Variants in QSOX2 observed in about 807,000 individuals in gnomAD.
QSOX2 encodes quiescin sulfhydryl oxidase 2, also known as sulfhydryl oxidase 2.
Under a neutral mutation model 61.7 loss-of-function variants are expected in QSOX2, and 46 were observed. The ratio of observed to expected loss-of-function variants is 0.75; its 90% CI spans 0.59 to 0.95. QSOX2 has a LOEUF of 0.95. Ranked by LOEUF, QSOX2 falls within the 40% of genes least tolerant of loss-of-function variation. QSOX2 has a pLI of 0.00. For synonymous variants in QSOX2, 383 were observed against 388.4 expected (o/e 0.99, Z 0.16); for missense variants, 879 against 918.9 (o/e 0.96, Z 0.56).
chr9:136,230,170 T>C (rs575469041), intron 1 of QSOX2, among the ~76,000 whole-genome samples: 1 of 152,272 alleles, frequency 6.6e-6, no homozygotes, highest in Non-Finnish European at 1.5e-5. Flanking sequence ...TCCCAGCTAC[T>C]TGGGAAGCTG....
chr9:136,212,429 C>T (rs958361271), intron 10 of QSOX2, among the ~76,000 whole-genome samples: 1 of 152,260 alleles, frequency 6.6e-6, no homozygotes, highest in African/African-American at 2.4e-5. Flanking sequence ...TGACGCTTGT[C>T]GTGGCTCCCT....
chr9:136,236,200 C>T (rs1348017633), intron 1 of QSOX2, among the ~76,000 whole-genome samples: 1 of 152,226 alleles, frequency 6.6e-6, no homozygotes, highest in Non-Finnish European at 1.5e-5. Flanking sequence ...CTCCCTGCTC[C>T]GCACAGAGAG....
chr9:136,211,471 T>C lies in QSOX2; in HGVS notation c.1361-19A>G, dbSNP rs1234968936. 6.2e-7 allele frequency: 1 copy of C among 1,610,100 alleles called. No homozygotes were observed. Among genetic ancestry groups the C allele is most frequent in the Non-Finnish European group, 8.5e-7 (1 of 1,176,706 alleles). On this transcript the variant is annotated intron_variant, in intron 10 of 11. Transcript: ENST00000358701. Reference sequence around the variant, plus strand: ...TCAAAGCCTGCAGGGGAAGAAACACTGCTGACAACGGCAGGTGCGTGGGCA... The same window carrying C: ...TCAAAGCCTGCAGGGGAAGAAACACCGCTGACAACGGCAGGTGCGTGGGCA...
At chr9:136,227,102 G>A (rs765088557) in intron 1 of QSOX2, among the ~76,000 whole-genome samples, 5 of 152,180 alleles carry the variant, frequency 3.3e-5, no homozygotes, top group South Asian at 2.1e-4. Context: ...CAGAACAAGC[G>A]GATTTGTGCT....
In QSOX2 at chr9:136,206,987, C is replaced by G. The variant is rs1831772773; in HGVS notation, c.*1741G>C. The stretch of plus-strand genomic sequence containing the variant: ...AAACACTTTGGTGTCTTCAATAACC[C>G]AGGCCTGCACTGGATGAAGCAATGA... On this transcript the variant is annotated 3_prime_UTR_variant, in exon 12 of 12. Coordinates refer to ENST00000358701, the MANE Select transcript of QSOX2 (RefSeq NM_181701.4). 1 of 152,358 alleles carries G rather than the reference C, an allele frequency of 6.6e-6. No homozygotes were observed. The highest frequency in any genetic ancestry group is 2.1e-4 in the South Asian group (1 of 4,834). 9.4% of individuals were successfully genotyped at this position (152,358 alleles called of 1,614,324 possible). A position where few individuals can be genotyped will look rare whatever the true frequency, so the allele number is the denominator to read the frequency against.
intron 8 of QSOX2, among the ~76,000 whole-genome samples, chr9:136,217,640 AG>A (rs1168508049): frequency 5.3e-5 from 8 of 152,262 alleles, no homozygotes; most frequent in Admixed American, 2.0e-4. Flanking sequence ...CAAGTGTAAA[AG>A]CTCCAAGCCT....
chr9:136,245,379 AGGG>A lies in QSOX2; in HGVS notation c.328+94_328+96del. On this transcript the variant is annotated intron_variant, in intron 1 of 11. Coordinates refer to ENST00000358701, the MANE Select transcript of QSOX2 (RefSeq NM_181701.4). ...TGCGGTAAGGAAAGAAATACGGGGG[AGGG>A]GCCCCGGGACCCGCCTTCTGGGGCG... The A allele has an allele frequency of 8.1e-6, 8 of 991,902 alleles. No homozygotes were observed. In the South Asian group the frequency reaches 1.3e-4, roughly 16 times the overall value. The allele number at this position is 991,902 out of a possible 1,614,324, so 61.4% of individuals were successfully genotyped here.
intron 1 of QSOX2, among the ~76,000 whole-genome samples, chr9:136,233,042 GGACAT>G (rs1264857679): frequency 2.0e-5 from 3 of 152,040 alleles, no homozygotes; most frequent in Admixed American, 2.0e-4. Flanking sequence ...ATGCCACAAA[GGACAT>G]GAATTAGGAA....
In QSOX2 at chr9:136,220,652, G is replaced by A. The variant is rs1407294093; in HGVS notation, c.821+1144C>T. ...CACGCTGTCCTTCTCCCCAAGGTGA[G>A]GAGGAGCGGGGCCCCTCCAGCCTCA... On this transcript the variant is annotated intron_variant, in intron 6 of 11. Coordinates refer to ENST00000358701, the MANE Select transcript of QSOX2 (RefSeq NM_181701.4). 3.3e-5 allele frequency among the ~76,000 whole-genome samples: 5 copies of A among 152,098 alleles called. 1 individual carries two copies. The highest frequency in any genetic ancestry group is 7.4e-5 in the Non-Finnish European group (5 of 68,008).
chr9:136,210,045 G>A lies in QSOX2; in HGVS notation c.1550-770C>T, dbSNP rs533305243. ...CACGTTTGTCTGGGGGACTTGAGAC[G>A]TGCCTGAAATCAAGAGATGCCCTAC... On this transcript the variant is annotated intron_variant, in intron 11 of 11. Transcript: ENST00000358701. The A allele has an allele frequency of 1.1e-5, 11 of 985,460 alleles. No homozygotes were observed. The South Asian group carries it at 3.3e-4, about 29-fold the overall frequency. The allele number at this position is 985,460 out of a possible 1,614,324, so 61.0% of individuals were successfully genotyped here.
At chr9:136,215,385 G>C in intron 9 of QSOX2, 81 bp from the exon 10 acceptor site, 1 of 981,840 alleles carries the variant, frequency 1.0e-6, no homozygotes, top group Non-Finnish European at 1.4e-6. Flanking sequence ...CTGCCTTCTT[G>C]ACTGGGGGGG....
intron 10 of QSOX2, 55 bp downstream of exon 10, chr9:136,215,099 G>T: frequency 1.3e-6 from 2 of 1,586,680 alleles, no homozygotes; most frequent in Non-Finnish European, 1.7e-6. Context: ...ACACCGGCTG[G>T]GTTAACTTGT....
At chr9:136,210,439 G>A in intron 11 of QSOX2, 2 of 985,424 alleles carry the variant, frequency 2.0e-6, no homozygotes, top group South Asian at 9.4e-5. Context: ...CCTGGCGAGG[G>A]TCCTGGTCCC....
At chr9:136,232,917 C>CAAAAAAAAAAAAAAAAAAA (rs60814748) in intron 1 of QSOX2, among the ~76,000 whole-genome samples, 6 of 45,476 alleles carry the variant, frequency 1.3e-4, no homozygotes, top group Non-Finnish European at 1.8e-4. Flanking sequence ...GAACCTGTCT[C>CAAAAAAAAAAAAAAAAAAA]AAAAAAAAAA....
rs1830228009 is a variant in QSOX2, at chr9:136,222,374, T to C, written c.676-433A>G. On this transcript the variant is annotated intron_variant, in intron 5 of 11. Coordinates refer to ENST00000358701, the MANE Select transcript of QSOX2 (RefSeq NM_181701.4). This position sits in a 1 kb window ranked among gnomAD's most constrained non-coding sequence, Gnocchi z 6.9. The stretch of plus-strand genomic sequence containing the variant: ...CCTCCCCAGCCACCCTGCTCCTGTC[T>C]GGTTCTGCTCAGGCTGAAGGGGCAG... 6.6e-6 allele frequency among the ~76,000 whole-genome samples: 1 copy of C among 152,144 alleles called. No individual in the cohort carries two copies. The highest frequency in any genetic ancestry group is 2.4e-5 in the African/African-American group (1 of 41,428).
In QSOX2 at chr9:136,233,394, G is replaced by A. The variant is rs533010531; in HGVS notation, c.329-6520C>T. On this transcript the variant is annotated intron_variant, in intron 1 of 11. Transcript: ENST00000358701. ...TCTACCTGCTCCCCAAACACAATGA[G>A]CCTTACTCTAGATCTGGGGTCCTAA... is the stretch of plus-strand genomic sequence containing the variant. Among the ~76,000 whole-genome samples the A allele has an allele frequency of 3.3e-5, 5 of 152,296 alleles. No homozygotes were observed. The East Asian group carries it at 7.7e-4, about 24-fold the overall frequency.
intron 1 of QSOX2, among the ~76,000 whole-genome samples, chr9:136,235,190 T>A (rs935639906): frequency 2.0e-5 from 3 of 152,122 alleles, no homozygotes; most frequent in Non-Finnish European, 4.4e-5. Context: ...GGAAGATCCA[T>A]CTCCCAAGGG....
At position 136,240,216 on chromosome 9, in the gene QSOX2, G is replaced by C. The variant is rs74853115; in HGVS notation, c.328+5260C>G. On this transcript the variant is annotated intron_variant, in intron 1 of 11. Transcript: ENST00000358701. ...AGAGCCTGGCTATTTTAGGACTCCA[G>C]TCTTAAAAATACTTGGGAAATAATT... Among the ~76,000 whole-genome samples the C allele has an allele frequency of 2.9e-3, 445 of 152,302 alleles. 1 individual carries two copies. The highest frequency in any genetic ancestry group is 9.8e-3 in the African/African-American group (409 of 41,564).
At chr9:136,237,515 G>A (rs1206339812) in intron 1 of QSOX2, among the ~76,000 whole-genome samples, 3 of 126,754 alleles carry the variant, frequency 2.4e-5, no homozygotes, top group African/African-American at 9.2e-5. Context: ...AGCCCGTCCT[G>A]TGCCGGCGAC....
Sources: gnomAD v4.1 joint callset for allele counts (sites outside exome capture counted in the v4.1 genomes callset) on GRCh38, gnomAD v4.1.1 for gene constraint, Gnocchi (gnomAD v3.1) non-coding constraint, MANE v1.5 for transcripts, NCBI Gene and HGNC (gene_info 2026-07-23, HGNC 2026-07-21) for gene names.